Variants in WDFY3 observed in about 807,000 individuals in gnomAD.
WDFY3 encodes WD repeat and FYVE domain containing 3.
A neutral mutation model predicts 409.6 loss-of-function variants in WDFY3; 66 were observed. The observed-to-expected ratio is 0.16, with a 90% CI of 0.13 to 0.20. The LOEUF (loss-of-function observed/expected upper bound fraction) is 0.20. Ranked by LOEUF, WDFY3 falls within the 10% of genes least tolerant of loss-of-function variation. The pLI is 1.00. For synonymous variants in WDFY3, 1,521 were observed against 1,537.1 expected, an observed-to-expected ratio of 0.99 and a Z score of 0.25; for missense variants, 3,031 against 4,298.1, an observed-to-expected ratio of 0.71 and a Z score of 8.24.
intron 4 of WDFY3, among the ~76,000 whole-genome samples, chr4:84,856,002 T>C (rs181428899): frequency 4.1e-4 from 62 of 152,298 alleles, no homozygotes; most frequent in African/African-American, 1.5e-3. Flanking sequence ...TAAACATGAC[T>C]ATTTCAGGGC....
rs1442679367 is a variant in WDFY3 at position 84,826,861 on chromosome 4, T to C, written c.1077A>G (p.Ala359=). The change falls in exon 10 of 68, where the codon GCA becomes GCG. Residue 359 remains alanine, a synonymous_variant. Coordinates refer to ENST00000295888, the MANE Select transcript of WDFY3 (RefSeq NM_014991.6). ...ELKPAGITTG[A]PFLLPGFAVP... is the part of the protein sequence containing the mutation. Reference sequence around the variant, plus strand: ...CTGCAAATCCAGGCAATAAAAAGGGTGCCCCTGTGGTAATACCAGCTGGTT... The same window carrying C: ...CTGCAAATCCAGGCAATAAAAAGGGCGCCCCTGTGGTAATACCAGCTGGTT... 7 of 1,609,402 alleles carry C rather than the reference T, an allele frequency of 4.3e-6. No individual in the cohort carries two copies. The African/African-American group carries it at 9.4e-5, about 22-fold the overall frequency.
intron 1 of WDFY3, among the ~76,000 whole-genome samples, chr4:84,933,984 G>A (rs1287768633): frequency 2.6e-5 from 4 of 152,050 alleles, no homozygotes; most frequent in Non-Finnish European, 5.9e-5. Context: ...TCATAAATAT[G>A]GGAGTGTAGA....
At chr4:84,760,623 C>T (rs1287225082) in intron 32 of WDFY3, among the ~76,000 whole-genome samples, 2 of 151,898 alleles carry the variant, frequency 1.3e-5, no homozygotes, top group Non-Finnish European at 2.9e-5. Flanking sequence ...CTGATGGTAG[C>T]TTGTATTTCT....
Position 84,874,845 on chromosome 4 carries a change from G to C in WDFY3, c.-31-14223C>G, listed in dbSNP as rs534516184. 7.2e-5 allele frequency among the ~76,000 whole-genome samples: 11 copies of C among 152,244 alleles called. No individual in the cohort carries two copies. The South Asian group carries it at 2.3e-3, about 32-fold the overall frequency. On this transcript the variant is annotated intron_variant, in intron 3 of 67. Transcript: ENST00000295888. ...CAATTTTGTCTTTGTGCAAACATCA[G>C]AAAGTGCACATACAAAAACCTAGAT...
At chr4:84,736,028 A>C in intron 42 of WDFY3, 142 bp downstream of exon 42, 1 of 885,580 alleles carries the variant, frequency 1.1e-6, no homozygotes, top group Non-Finnish European at 1.6e-6. Flanking sequence ...AAATGAGAGA[A>C]ATTCCCATAG....
Position 84,671,926 on chromosome 4 carries a change from C to CATGCAAA in WDFY3, c.*935_*941dup, listed in dbSNP as rs1460249774. 2 of 152,232 alleles carry CATGCAAA rather than the reference C, an allele frequency of 1.3e-5. No individual in the cohort carries two copies. Among genetic ancestry groups the CATGCAAA allele is most frequent in the Non-Finnish European group, 2.9e-5 (2 of 68,042 alleles). The allele number at this position is 152,232 out of a possible 1,614,324, so 9.4% of individuals were successfully genotyped here. Reference sequence around the variant, plus strand: ...TGCAAGATAAGCTAATTTTGGGTTACATGCAAATATATTTCCATTAGTTGA... The same window carrying CATGCAAA: ...TGCAAGATAAGCTAATTTTGGGTTACATGCAAAATGCAAATATATTTCCATTAGTTGA... On this transcript the variant is annotated 3_prime_UTR_variant, in exon 68 of 68. Coordinates refer to ENST00000295888, the MANE Select transcript of WDFY3 (RefSeq NM_014991.6).
At chr4:84,963,027 G>C (rs1419903501) in intron 1 of WDFY3, among the ~76,000 whole-genome samples, 1 of 151,608 alleles carries the variant, frequency 6.6e-6, no homozygotes, top group Non-Finnish European at 1.5e-5. Flanking sequence ...ACACACCAAG[G>C]GGGAACTGGA....
At chr4:84,815,608 T>G (rs1578651735) in intron 13 of WDFY3, among the ~76,000 whole-genome samples, 1 of 152,290 alleles carries the variant, frequency 6.6e-6, no homozygotes, top group Non-Finnish European at 1.5e-5. Flanking sequence ...TTTAGGCCAA[T>G]TATTTCATAG....
intron 2 of WDFY3, among the ~76,000 whole-genome samples, chr4:84,910,417 A>T: frequency 6.6e-6 from 1 of 152,172 alleles, no homozygotes. Context: ...TAATAAATCA[A>T]ATATATAATA....
At chr4:84,729,639 T>TAC (rs1215492589) in intron 44 of WDFY3, among the ~76,000 whole-genome samples, 1 of 151,804 alleles carries the variant, frequency 6.6e-6, no homozygotes, top group Non-Finnish European at 1.5e-5. Flanking sequence ...CTATTTGTTA[T>TAC]ACAGCATGTA....
At chr4:84,876,776 T>C (rs1762842897) in intron 3 of WDFY3, among the ~76,000 whole-genome samples, 1 of 152,182 alleles carries the variant, frequency 6.6e-6, no homozygotes, top group South Asian at 2.1e-4. Context: ...GTGTGTATTT[T>C]ACTGTTTCTC....
At chr4:84,853,133 C>A (rs1483340337) in intron 4 of WDFY3, among the ~76,000 whole-genome samples, 1 of 152,076 alleles carries the variant, frequency 6.6e-6, no homozygotes, top group Non-Finnish European at 1.5e-5. Context: ...CTTTGAATAG[C>A]CATTCCACCT....
chr4:84,755,154 G>C, intron 34 of WDFY3, 112 bp downstream of exon 34: 1 of 1,449,144 alleles, frequency 6.9e-7, no homozygotes, highest in Non-Finnish European at 9.3e-7. Flanking sequence ...TGAAGTTCCA[G>C]AGATCATGCA....
intron 10 of WDFY3, among the ~76,000 whole-genome samples, chr4:84,826,272 C>T (rs909588124): frequency 1.3e-5 from 2 of 152,110 alleles, no homozygotes; most frequent in South Asian, 2.1e-4. Context: ...ATAGCATTTA[C>T]ATTGTATTTG....
chr4:84,790,016 T>C (rs2149540387), intron 21 of WDFY3, 109 bp from the exon 22 acceptor site: 1 of 1,169,428 alleles, frequency 8.6e-7, no homozygotes, highest in Non-Finnish European at 1.2e-6. Context: ...AAAATAATGA[T>C]GCAGACTGAT....
chr4:84,855,846 C>T (rs1356402002), intron 4 of WDFY3, among the ~76,000 whole-genome samples: 2 of 152,058 alleles, frequency 1.3e-5, no homozygotes, highest in South Asian at 2.1e-4. Context: ...CTATGAAGGA[C>T]CATCAGATGA....
At chr4:84,839,998 G>A (rs906169943) in intron 6 of WDFY3, among the ~76,000 whole-genome samples, 23 of 152,280 alleles carry the variant, frequency 1.5e-4, no homozygotes, top group Admixed American at 2.0e-4. Flanking sequence ...TTACCAAGAC[G>A]TATGCACTGT....
intron 1 of WDFY3, among the ~76,000 whole-genome samples, chr4:84,939,591 T>C (rs911952477): frequency 1.2e-4 from 18 of 152,162 alleles, no homozygotes; most frequent in African/African-American, 4.1e-4. Flanking sequence ...CATTCACTTA[T>C]TTTTATTATC....
At chr4:84,779,728 A>G (rs920031436) in intron 26 of WDFY3, among the ~76,000 whole-genome samples, 1 of 152,200 alleles carries the variant, frequency 6.6e-6, no homozygotes, top group African/African-American at 2.4e-5. Flanking sequence ...TGAATCTACC[A>G]TGGATTTGGC....
Sources: gnomAD v4.1 joint callset for allele counts (sites outside exome capture counted in the v4.1 genomes callset) on GRCh38, gnomAD v4.1.1 for gene constraint, MANE v1.5 for transcripts, NCBI Gene and HGNC (gene_info 2026-07-23, HGNC 2026-07-21) for gene names.